RBP2: variants seen among roughly 807,000 people sequenced by gnomAD.
The protein encoded by RBP2 is retinol binding protein 2.
In RBP2, 17 loss-of-function variants were observed where a neutral mutation model predicts 17.0. The observed-to-expected ratio is 1.00, with a 90% confidence interval of 0.68 to 1.50. The LOEUF (loss-of-function observed/expected upper bound fraction) is 1.50, where lower values mean the gene tolerates loss of function less well. RBP2 is among the 40% of genes most tolerant of loss of function. The pLI, the probability that RBP2 is intolerant of heterozygous loss-of-function variation, is 0.00. For missense variants in RBP2, 158 were observed against 168.2 expected, an observed-to-expected ratio of 0.94 and a Z score of 0.33; for synonymous variants, 48 against 57.1, an observed-to-expected ratio of 0.84 and a Z score of 0.72.
In RBP2 at chr3:139,455,395, G is replaced by A. The variant is rs1038843690; in HGVS notation, c.253-565C>T. On this transcript the variant is annotated intron_variant, in intron 2 of 3. Transcript: ENST00000232217. Reference sequence around the variant, plus strand: ...TTCAGCCTCACATTATAAGAGAAATGCAAATGAAGACTTTGTTTTTCAGAT... The same window carrying A: ...TTCAGCCTCACATTATAAGAGAAATACAAATGAAGACTTTGTTTTTCAGAT... Among the ~76,000 whole-genome samples the A allele has an allele frequency of 2.0e-5, 3 of 152,260 alleles. No homozygotes were observed. In the South Asian group the frequency reaches 6.2e-4, roughly 32 times the overall value.
chr3:139,475,807 C>A (rs1933719488), intron 1 of RBP2, among the ~76,000 whole-genome samples: 1 of 152,190 alleles, frequency 6.6e-6, no homozygotes, highest in African/African-American at 2.4e-5. Context: ...CTGTGGTGAA[C>A]TCAGGACATG....
intron 1 of RBP2, among the ~76,000 whole-genome samples, chr3:139,466,962 A>G (rs1260479972): frequency 1.3e-5 from 2 of 152,120 alleles, no homozygotes; most frequent in Non-Finnish European, 2.9e-5. Context: ...ATCCAGGCCA[A>G]ACAGTTTTAC....
chr3:139,464,203 T>C (rs1933286412), intron 1 of RBP2, among the ~76,000 whole-genome samples: 2 of 152,220 alleles, frequency 1.3e-5, no homozygotes, highest in African/African-American at 2.4e-5. Flanking sequence ...CTCACGCCTG[T>C]AATCCCAGCA....
intron 3 of RBP2, among the ~76,000 whole-genome samples, chr3:139,454,227 CT>C: frequency 6.6e-6 from 1 of 152,322 alleles, no homozygotes. Context: ...ATTGTTCCTA[CT>C]GCTCTGTTCT....
At chr3:139,473,318 T>C (rs141765650) in intron 1 of RBP2, among the ~76,000 whole-genome samples, 383 of 152,284 alleles carry the variant, frequency 2.5e-3, no homozygotes, top group African/African-American at 8.5e-3. Flanking sequence ...GGCTGAGTCA[T>C]GATGGGAGGC....
At chr3:139,468,810 A>G (rs1412000185) in intron 1 of RBP2, among the ~76,000 whole-genome samples, 1 of 152,164 alleles carries the variant, frequency 6.6e-6, no homozygotes, top group East Asian at 1.9e-4. Context: ...GGTATCTCTG[A>G]GTCTGATTTA....
intron 1 of RBP2, among the ~76,000 whole-genome samples, chr3:139,467,405 C>A (rs1933402193): frequency 1.3e-5 from 2 of 152,176 alleles, no homozygotes; most frequent in Non-Finnish European, 2.9e-5. Context: ...GTTGGCCAGG[C>A]TCTGCTTGTC....
chr3:139,463,169 A>G (rs1933248562), intron 1 of RBP2, among the ~76,000 whole-genome samples: 1 of 151,512 alleles, frequency 6.6e-6, no homozygotes, highest in Non-Finnish European at 1.5e-5. Flanking sequence ...GAAAATAAAT[A>G]TTTGTTCAGA....
intron 1 of RBP2, among the ~76,000 whole-genome samples, chr3:139,471,305 T>C (rs1441440916): frequency 1.3e-5 from 2 of 152,242 alleles, no homozygotes; most frequent in African/African-American, 4.8e-5. Flanking sequence ...TCACCCATCA[T>C]GCTAGACTGC....
intron 1 of RBP2, among the ~76,000 whole-genome samples, chr3:139,473,991 C>G (rs1308837763): frequency 1.3e-5 from 2 of 152,144 alleles, no homozygotes; most frequent in African/African-American, 4.8e-5. Flanking sequence ...TGGTATTAAT[C>G]TTAATCAGTT....
chr3:139,473,181 C>A (rs1933620819), intron 1 of RBP2, among the ~76,000 whole-genome samples: 1 of 152,176 alleles, frequency 6.6e-6, no homozygotes, highest in Admixed American at 6.5e-5. Context: ...TGAGAAACAC[C>A]AGGTGCCTAA....
chr3:139,456,753 C>A (rs1453511142), intron 2 of RBP2, among the ~76,000 whole-genome samples: 1 of 152,000 alleles, frequency 6.6e-6, no homozygotes, highest in Non-Finnish European at 1.5e-5. Flanking sequence ...TAACCATCTG[C>A]ATGTATTCAT....
chr3:139,462,552 C>T (rs1269003260), intron 1 of RBP2, among the ~76,000 whole-genome samples: 2 of 140,100 alleles, frequency 1.4e-5, no homozygotes, highest in Non-Finnish European at 3.1e-5. Context: ...TAAGCTGCAG[C>T]TCCCCAACAC....
In RBP2 at chr3:139,457,916, A is replaced by G. The variant is rs149944581; in HGVS notation, c.253-3086T>C. The stretch of plus-strand genomic sequence containing the variant: ...TGCTTAAAACAGCCCTTTATGATAA[A>G]TTAGATACAGGCACTGTATCAATGT... On this transcript the variant is annotated intron_variant, in intron 2 of 3. Transcript: ENST00000232217. Among the ~76,000 whole-genome samples, 280 of 152,360 alleles carry G rather than the reference A, an allele frequency of 1.8e-3. 3 individuals carry two copies. The highest frequency in any genetic ancestry group is 6.5e-3 in the African/African-American group (270 of 41,580).
At chr3:139,475,137 T>C (rs574471334) in intron 1 of RBP2, among the ~76,000 whole-genome samples, 2 of 151,702 alleles carry the variant, frequency 1.3e-5, no homozygotes, top group South Asian at 2.1e-4. Flanking sequence ...CTGGCTAACA[T>C]AGTGAAATCC....
At chr3:139,455,433 A>T (rs911361794) in intron 2 of RBP2, among the ~76,000 whole-genome samples, 5 of 152,222 alleles carry the variant, frequency 3.3e-5, no homozygotes, top group Non-Finnish European at 5.9e-5. Flanking sequence ...AATTCATCAT[A>T]TGGTCAAAGA....
chr3:139,461,605 A>G (rs568146623), intron 2 of RBP2, among the ~76,000 whole-genome samples: 34 of 152,180 alleles, frequency 2.2e-4, no homozygotes, highest in African/African-American at 7.5e-4. Context: ...ATCATCTATA[A>G]TTGAGATGTT....
chr3:139,459,960 A>G (rs1044396173), intron 2 of RBP2, among the ~76,000 whole-genome samples: 3 of 152,106 alleles, frequency 2.0e-5, no homozygotes, highest in Non-Finnish European at 2.9e-5. Context: ...AGGGGAGAAA[A>G]TGGAACACGG....
chr3:139,459,479 C>T (rs1400896947), intron 2 of RBP2, among the ~76,000 whole-genome samples: 1 of 145,500 alleles, frequency 6.9e-6, no homozygotes, highest in Non-Finnish European at 1.5e-5. Flanking sequence ...TATATTTAGC[C>T]AGGCATGGTG....
Sources: allele counts gnomAD v4.1 joint callset (sites outside exome capture counted in the v4.1 genomes callset), GRCh38; gene constraint gnomAD v4.1.1; transcripts MANE v1.5; gene names NCBI Gene and HGNC (gene_info 2026-07-23, HGNC 2026-07-21).